Variants in PDGFB observed in about 807,000 individuals in gnomAD.
PDGFB encodes platelet-derived growth factor subunit B.
PDGFB carries 6 observed loss-of-function variants against 29.0 expected under a neutral mutation model. That is an observed-to-expected ratio of 0.21 (90% CI 0.11 to 0.41). The LOEUF (loss-of-function observed/expected upper bound fraction) is 0.41. Among genes scored for constraint, PDGFB ranks in the 10% least tolerant of loss-of-function variants. The pLI, the probability that PDGFB is intolerant of heterozygous loss-of-function variation, is 1.00. For synonymous variants in PDGFB, 144 were observed against 140.8 expected, an observed-to-expected ratio of 1.02 and a Z score of -0.16; for missense variants, 299 against 341.8, an observed-to-expected ratio of 0.87 and a Z score of 0.99.
chr22:39,243,193 G>A lies in PDGFB; in HGVS notation c.63+708C>T, dbSNP rs538404259. Among the ~76,000 whole-genome samples, 52 of 152,126 alleles carry A rather than the reference G, an allele frequency of 3.4e-4. No homozygotes were observed. Among genetic ancestry groups the A allele is most frequent in the African/African-American group, 1.2e-3 (51 of 41,490 alleles). ...CCCCTAGTCCTCCCCCTACCCGAGT[G>A]CCCGAAACCTACCTGCGTCTCTATC... On this transcript the variant is annotated intron_variant, in intron 1 of 6. Transcript: ENST00000331163. This position sits in a 1 kb window ranked among gnomAD's most constrained non-coding sequence, Gnocchi z 6.4.
In PDGFB at chr22:39,230,689, G is replaced by A. The variant is rs113557085; in HGVS notation, c.457-461C>T. ...AAGCATCGAGGACAGGAGATACCAC[G>A]AGAGTGGGCAGTGGGGTGGAGTGAC... On this transcript the variant is annotated intron_variant, in intron 4 of 6. Transcript: ENST00000331163. Among the ~76,000 whole-genome samples the A allele has an allele frequency of 2.0e-5, 3 of 152,218 alleles. No homozygotes were observed. The South Asian group carries it at 6.2e-4, about 31-fold the overall frequency.
chr22:39,228,210 A>G (rs1290727600), intron 5 of PDGFB, among the ~76,000 whole-genome samples: 1 of 152,256 alleles, frequency 6.6e-6, no homozygotes, highest in African/African-American at 2.4e-5. Context: ...ACTTTACATC[A>G]TCTACGTTTC....
In PDGFB at chr22:39,239,427, C is replaced by T. The variant is rs77247985; in HGVS notation, c.64-3553G>A. Among the ~76,000 whole-genome samples the T allele has an allele frequency of 3.5e-4, 53 of 152,190 alleles. No homozygotes were observed. In the South Asian group the frequency reaches 6.4e-3, roughly 18 times the overall value. On this transcript the variant is annotated intron_variant, in intron 1 of 6. Transcript: ENST00000331163. Reference sequence around the variant, plus strand: ...GGGTGGGTGAGGGTGGGGGGACACTCAGCACGTGCTCAGCTCCAGGATGCA... The same window carrying T: ...GGGTGGGTGAGGGTGGGGGGACACTTAGCACGTGCTCAGCTCCAGGATGCA...
chr22:39,237,345 C>T (rs1164923596), intron 1 of PDGFB, among the ~76,000 whole-genome samples: 1 of 152,160 alleles, frequency 6.6e-6, no homozygotes, highest in African/African-American at 2.4e-5. Context: ...CCTGAAACCC[C>T]TGAGTCTCCA....
At chr22:39,227,629 G>C (rs1434110858) in intron 5 of PDGFB, among the ~76,000 whole-genome samples, 1 of 152,322 alleles carries the variant, frequency 6.6e-6, no homozygotes, top group Non-Finnish European at 1.5e-5. Context: ...TCTGCCTCTA[G>C]AGTGCACACC....
chr22:39,241,145 C>T (rs1932560481), intron 1 of PDGFB: 8 of 545,016 alleles, frequency 1.5e-5, no homozygotes, highest in Non-Finnish European at 2.3e-5. Context: ...AGGCCAGACG[C>T]GTCACGTGAC....
intron 1 of PDGFB, among the ~76,000 whole-genome samples, chr22:39,241,983 C>A (rs1932577592): frequency 6.6e-6 from 1 of 152,082 alleles, no homozygotes. Flanking sequence ...GGAAATGGGG[C>A]CGCTACAGAG....
Position 39,231,552 on chromosome 22 carries a change from T to C in PDGFB, c.456+70A>G, listed in dbSNP as rs535011353. ...GCCCAGTCAAGGAAGCCTGGTCAGG[T>C]ATGAGCCCCAGAAGGGTGGTCTCCA... On this transcript the variant is annotated intron_variant, in intron 4 of 6. Coordinates refer to ENST00000331163, the MANE Select transcript of PDGFB (RefSeq NM_002608.4). The surrounding 1 kb of genome is among the most constrained non-coding windows in gnomAD (Gnocchi z 4.3). 2.6e-5 allele frequency: 30 copies of C among 1,153,830 alleles called. No homozygotes were observed. In the African/African-American group the frequency reaches 3.8e-4, roughly 15 times the overall value. 71.5% of individuals were successfully genotyped at this position (1,153,830 alleles called of 1,614,324 possible). A position where few individuals can be genotyped will look rare whatever the true frequency, so the allele number is the denominator to read the frequency against.
chr22:39,240,956 C>T, intron 1 of PDGFB: 1 of 1,377,670 alleles, frequency 7.3e-7, no homozygotes, highest in Non-Finnish European at 1.0e-6. Context: ...CTCTCTCTCT[C>T]TCTTCCTGGC....
chr22:39,227,883 G>A lies in PDGFB; in HGVS notation c.602-2036C>T, dbSNP rs140494277. On this transcript the variant is annotated intron_variant, in intron 5 of 6. Transcript: ENST00000331163. ...GCAGCTCTCCCATCTCTGCAATTGC[G>A]CAGATTTTCTAGCAGTTCAGGGACT... 9.1e-3 allele frequency among the ~76,000 whole-genome samples: 1,379 copies of A among 152,268 alleles called. 8 individuals are homozygous for A. Among genetic ancestry groups the A allele is most frequent in the African/African-American group, 0.017 (705 of 41,532 alleles).
At chr22:39,237,754 G>A (rs1001912444) in intron 1 of PDGFB, among the ~76,000 whole-genome samples, 11 of 152,206 alleles carry the variant, frequency 7.2e-5, no homozygotes. Context: ...TGAATCCCAC[G>A]CCTTTGGACC....
Position 39,225,796 on chromosome 22 carries a change from G to T in PDGFB, c.653C>A (p.Pro218His). 2 of 1,614,146 alleles carry T rather than the reference G, an allele frequency of 1.2e-6. No individual in the cohort carries two copies. The highest frequency in any genetic ancestry group is 1.7e-6 in the Non-Finnish European group (2 of 1,180,000). The change falls in exon 6 of 7, where the codon CCC becomes CAC. Residue 218 changes from proline to histidine, a missense_variant. Pro to His is a moderately conservative substitution (Grantham distance 77). Coordinates refer to ENST00000331163, the MANE Select transcript of PDGFB (RefSeq NM_002608.4). ...VTIRTVRVRR[P>H]PKGKHRKFKH... ...GAATTTCCGGTGCTTGCCCTTGGGG[G>T]GCCGGCGGACTCGCACCGTCCGAAT...
intron 5 of PDGFB, among the ~76,000 whole-genome samples, chr22:39,228,917 T>TAA (rs1932233394): frequency 1.3e-5 from 2 of 148,750 alleles, no homozygotes; most frequent in African/African-American, 2.4e-5. Flanking sequence ...TAGATATATA[T>TAA]AATTTTCCCT....
chr22:39,232,413 C>G (rs1397185370), intron 3 of PDGFB, among the ~76,000 whole-genome samples: 1 of 152,236 alleles, frequency 6.6e-6, no homozygotes, highest in African/African-American at 2.4e-5. Context: ...TATCCATGTA[C>G]AGAGGACAGG....
intron 2 of PDGFB, among the ~76,000 whole-genome samples, chr22:39,235,185 T>A (rs2146445654): frequency 6.6e-6 from 1 of 152,228 alleles, no homozygotes; most frequent in South Asian, 2.1e-4. Flanking sequence ...GACCTGGGGG[T>A]GCAGGGGGGC....
intron 4 of PDGFB, among the ~76,000 whole-genome samples, chr22:39,230,697 G>C (rs1462484946): frequency 6.6e-6 from 1 of 152,266 alleles, no homozygotes; most frequent in Non-Finnish European, 1.5e-5. Flanking sequence ...ACGAGAGTGG[G>C]CAGTGGGGTG....
intron 5 of PDGFB, among the ~76,000 whole-genome samples, chr22:39,226,373 G>A (rs1484175541): frequency 6.6e-6 from 1 of 152,168 alleles, no homozygotes; most frequent in African/African-American, 2.4e-5. Flanking sequence ...CCACATAACA[G>A]GTCTGGCTAC....
At position 39,235,853 on chromosome 22, in the gene PDGFB, G is replaced by C. The variant is rs934730166; in HGVS notation, c.85C>G (p.Leu29Val). 1 of 1,613,738 alleles carries C rather than the reference G, an allele frequency of 6.2e-7. No homozygotes were observed. The highest frequency in any genetic ancestry group is 2.2e-5 in the East Asian group (1 of 44,890). ...GAGTGGTCACTCAGCATCTCATAAAGCTCCTCGGGAATGGGGTCCCCCTGC... is the reference window on the plus strand; with the variant it reads ...GAGTGGTCACTCAGCATCTCATAAACCTCCTCGGGAATGGGGTCCCCCTGC... ...SAEGDPIPEE[L>V]YEMLSDHSIR... Residue 29 changes from leucine (L) to valine (V), a missense_variant, in exon 2 of 7, where the codon CTT (leucine) becomes GTT (valine). Coordinates refer to ENST00000331163, the MANE Select transcript of PDGFB (RefSeq NM_002608.4).
Position 39,242,189 on chromosome 22 carries a change from T to A in PDGFB, c.63+1712A>T, listed in dbSNP as rs959934388. 1.9e-5 allele frequency: 4 copies of A among 215,302 alleles called. No homozygotes were observed. The highest frequency in any genetic ancestry group is 9.1e-5 in the African/African-American group (4 of 44,098). The allele number at this position is 215,302 out of a possible 1,614,324, so 13.3% of individuals were successfully genotyped here. On this transcript the variant is annotated intron_variant, in intron 1 of 6. Coordinates refer to ENST00000331163, the MANE Select transcript of PDGFB (RefSeq NM_002608.4). The surrounding 1 kb of genome is among the most constrained non-coding windows in gnomAD (Gnocchi z 5.7). ...CGTGTGTCCCGCGTGTGCACGGGCG[T>A]GGCAGAGGCGGGCGCGCGACCTGGC...
Sources: allele counts gnomAD v4.1 joint callset (sites outside exome capture counted in the v4.1 genomes callset), GRCh38; gene constraint gnomAD v4.1.1; non-coding constraint Gnocchi (gnomAD v3.1); transcripts MANE v1.5; gene names NCBI Gene and HGNC (gene_info 2026-07-23, HGNC 2026-07-21).